Variants in CFAP58 observed in about 807,000 individuals in gnomAD.
CFAP58 encodes cilia- and flagella-associated protein 58.
A neutral mutation model predicts 119.5 loss-of-function variants in CFAP58; 88 were observed. The ratio of observed to expected loss-of-function variants is 0.74; its 90% CI spans 0.62 to 0.88. The LOEUF is 0.88. Among genes scored for constraint, CFAP58 ranks in the 40% least tolerant of loss-of-function variants. The pLI is 0.00. For synonymous variants in CFAP58, 365 were observed against 366.3 expected (o/e 1.00, Z 0.04); for missense variants, 990 against 1,021.2 (o/e 0.97, Z 0.42).
chr10:104,364,845 G>C lies in CFAP58; in HGVS notation c.553G>C (p.Glu185Gln), dbSNP rs143014335. 1.2e-6 allele frequency: 2 copies of C among 1,611,778 alleles called. No individual in the cohort carries two copies. The highest frequency in any genetic ancestry group is 1.7e-6 in the Non-Finnish European group (2 of 1,178,960). The change falls in exon 4 of 18, where the codon GAA (glutamate) becomes CAA (glutamine). Residue 185 changes from glutamate to glutamine, a missense_variant. By Grantham distance (29) the Glu-to-Gln change is conservative (BLOSUM62 2). Transcript: ENST00000369704. ...SLAQTTEQQQ[E>Q]TERSKEEAEH... is the part of the protein sequence containing the mutation. ...AGCTCAGACCACTGAACAGCAGCAG[G>C]AAACAGAGCGATCAAAAGAGGAGGC...
Position 104,447,716 on chromosome 10 carries a change from A to T in CFAP58, c.2275A>T (p.Met759Leu). The change falls in exon 16 of 18, where the codon ATG becomes TTG. Residue 759 changes from methionine (M) to leucine (L), a missense_variant. By Grantham distance (15) the Met-to-Leu change is conservative. Coordinates refer to ENST00000369704, the MANE Select transcript of CFAP58 (RefSeq NM_001008723.2). ...CCACTAGGAAAAGGAGAAACTCTAC[A>T]TGGAACTAAAGCACGTCTTGGCCCG... Reference protein sequence around the residue: ...LLLQEKEKLYMELKHVLARQP... With the variant: ...LLLQEKEKLYLELKHVLARQP... The T allele has an allele frequency of 1.2e-6, 2 of 1,614,080 alleles. No homozygotes were observed. The highest frequency in any genetic ancestry group is 1.6e-4 in the Middle Eastern group (1 of 6,062).
intron 1 of CFAP58, among the ~76,000 whole-genome samples, chr10:104,357,846 TACACATATATAC>T (rs1322863155): frequency 1.1e-4 from 5 of 46,196 alleles, no homozygotes; most frequent in Non-Finnish European, 2.0e-4. Context: ...TACACATATG[TACACATATATAC>T]ACATATATAC....
Position 104,400,681 on chromosome 10 carries a change from T to C in CFAP58, c.1817T>C (p.Val606Ala), listed in dbSNP as rs1382170022. 6.2e-7 allele frequency: 1 copy of C among 1,613,074 alleles called. No homozygotes were observed. Among genetic ancestry groups the C allele is most frequent in the African/African-American group, 1.3e-5 (1 of 74,866 alleles). The change falls in exon 13 of 18, where the codon GTC becomes GCC. Residue 606 changes from valine (V) to alanine (A), a missense_variant and splice_region_variant. By Grantham distance (64) the Val-to-Ala change is moderately conservative. Transcript: ENST00000369704. ...CTATGCCCCTCCCTACCTTCCTAGG[T>C]CATCAGTGAGAGAGATATCCTGGGG... ...RLRQKKELDQ[V>A]ISERDILGSQ...
intron 11 of CFAP58, among the ~76,000 whole-genome samples, chr10:104,393,727 T>C (rs1484631696): frequency 6.6e-6 from 1 of 152,158 alleles, no homozygotes; most frequent in African/African-American, 2.4e-5. Context: ...AACACACCCC[T>C]TTCATTTATG....
At chr10:104,449,839 G>GTGGGGGAAT (rs1431943046) in intron 16 of CFAP58, among the ~76,000 whole-genome samples, 2 of 152,168 alleles carry the variant, frequency 1.3e-5, no homozygotes, top group Non-Finnish European at 2.9e-5. Flanking sequence ...CTTGTTTTAA[G>GTGGGGGAAT]TGGGGGAATG....
At chr10:104,370,763 G>T in intron 6 of CFAP58, 132 bp from the exon 7 acceptor site, 1 of 736,762 alleles carries the variant, frequency 1.4e-6, no homozygotes, top group Non-Finnish European at 2.1e-6. Context: ...GTGTGTGCTT[G>T]ATTTAATCTC....
chr10:104,365,308 C>T (rs1053353768), intron 4 of CFAP58, among the ~76,000 whole-genome samples: 2 of 152,134 alleles, frequency 1.3e-5, no homozygotes, highest in African/African-American at 2.4e-5. Context: ...ATAGGTCATA[C>T]ACAATGTGCA....
At chr10:104,364,354 A>C (rs1445050891) in intron 3 of CFAP58, among the ~76,000 whole-genome samples, 1 of 151,568 alleles carries the variant, frequency 6.6e-6, no homozygotes, top group African/African-American at 2.4e-5. Context: ...ATCAACCCCC[A>C]CAACTTTCCA....
intron 14 of CFAP58, among the ~76,000 whole-genome samples, chr10:104,404,431 A>G (rs2012322005): frequency 6.6e-6 from 1 of 152,188 alleles, no homozygotes; most frequent in Non-Finnish European, 1.5e-5. Context: ...AATGACAGTT[A>G]AAGACAAACT....
rs759777982 is a variant in CFAP58, at chr10:104,400,819, T to A, written c.1955T>A (p.Met652Lys). 1 of 1,614,170 alleles carries A rather than the reference T, an allele frequency of 6.2e-7. No individual in the cohort carries two copies. Among genetic ancestry groups the A allele is most frequent in the Non-Finnish European group, 8.5e-7 (1 of 1,180,036 alleles). The stretch of plus-strand genomic sequence containing the variant: ...CAGTACAACCAGAGGTTGGAGGACA[T>A]GAGAATCCTCAGACTTGAGATCAAG... ...ESQYNQRLED[M>K]RILRLEIKKL... The change falls in exon 13 of 18, where the codon ATG becomes AAG. Residue 652 changes from methionine (M) to lysine (K), a missense_variant. Physicochemically the swap from Met to Lys is moderately conservative, Grantham distance 95. Transcript: ENST00000369704.
chr10:104,365,433 A>C (rs1457795769), intron 4 of CFAP58, among the ~76,000 whole-genome samples: 4 of 152,192 alleles, frequency 2.6e-5, no homozygotes, highest in African/African-American at 9.7e-5. Context: ...ATCCAGGGTC[A>C]TGTAAAACAC....
chr10:104,453,367 G>A (rs2013224567), intron 17 of CFAP58, among the ~76,000 whole-genome samples: 1 of 152,188 alleles, frequency 6.6e-6, no homozygotes, highest in African/African-American at 2.4e-5. Context: ...TCTCCCAATG[G>A]AATAATTTAG....
intron 2 of CFAP58, among the ~76,000 whole-genome samples, chr10:104,359,451 A>G (rs1564877373): frequency 6.6e-6 from 1 of 152,214 alleles, no homozygotes; most frequent in Non-Finnish European, 1.5e-5. Flanking sequence ...AAAAACCAAT[A>G]TAAGAAGGCT....
Position 104,362,183 on chromosome 10 carries a change from C to T in CFAP58, c.440+12C>T. ...GACCAGCATAGCAAGTAGGTCATAGCCTTGTTGATGTATGTTAAACTTGCT... is the reference window on the plus strand; with the variant it reads ...GACCAGCATAGCAAGTAGGTCATAGTCTTGTTGATGTATGTTAAACTTGCT... On this transcript the variant is annotated intron_variant, in intron 3 of 17. Coordinates refer to ENST00000369704, the MANE Select transcript of CFAP58 (RefSeq NM_001008723.2). 6.2e-7 allele frequency: 1 copy of T among 1,604,038 alleles called. No homozygotes were observed. Among genetic ancestry groups the T allele is most frequent in the Non-Finnish European group, 8.5e-7 (1 of 1,175,506 alleles).
chr10:104,352,415 A>G (rs181495143), upstream of CFAP58, among the ~76,000 whole-genome samples: 160 of 152,272 alleles, frequency 1.1e-3, 1 homozygote, highest in South Asian at 3.7e-3. Flanking sequence ...CACACCCTCT[A>G]GATAGTTACA....
chr10:104,345,471 A>T, the CFAP58 span, among the ~76,000 whole-genome samples: 2 of 152,108 alleles, frequency 1.3e-5, no homozygotes, highest in Admixed American at 1.3e-4. Context: ...TTTAGTCACT[A>T]ATCACTCCCA....
chr10:104,364,538 A>G (rs1253903746), intron 3 of CFAP58, among the ~76,000 whole-genome samples, 195 bp from the exon 4 acceptor site: 3 of 151,966 alleles, frequency 2.0e-5, no homozygotes, highest in Non-Finnish European at 4.4e-5. Context: ...TATGCATGTT[A>G]TCATTAGTAC....
rs192014716 is a variant in CFAP58 at position 104,366,072 on chromosome 10, C to T, written c.792+64C>T. The T allele has an allele frequency of 1.3e-5, 18 of 1,350,832 alleles. No homozygotes were observed. The Admixed American group carries it at 3.5e-4, about 26-fold the overall frequency. 83.7% of individuals were successfully genotyped at this position (1,350,832 alleles called of 1,614,324 possible). On this transcript the variant is annotated intron_variant, in intron 5 of 17. Transcript: ENST00000369704. ...ACCCAGAATGGCACCTTTATTCACC[C>T]TTTTGTGCATTTTGAATTCTCTTGG...
intron 15 of CFAP58, among the ~76,000 whole-genome samples, chr10:104,430,897 A>G (rs975400739): frequency 1.3e-5 from 2 of 152,232 alleles, no homozygotes; most frequent in African/African-American, 4.8e-5. Flanking sequence ...GTGATATTTT[A>G]TATTTTTTGT....
Sources: gnomAD v4.1 joint callset for allele counts (sites outside exome capture counted in the v4.1 genomes callset) on GRCh38, gnomAD v4.1.1 for gene constraint, MANE v1.5 for transcripts, NCBI Gene and HGNC (gene_info 2026-07-23, HGNC 2026-07-21) for gene names.